The following SURF4 variants were observed in gnomAD, a reference collection of about 807,000 sequenced individuals.
SURF4 encodes surfeit locus protein 4.
A neutral mutation model predicts 30.0 loss-of-function variants in SURF4; 3 were observed. The observed-to-expected ratio is 0.10, with a 90% confidence interval of 0.05 to 0.26. The LOEUF is 0.26. Ranked by LOEUF, SURF4 falls within the 10% of genes least tolerant of loss-of-function variation. SURF4 has a pLI of 1.00. For missense variants in SURF4, 217 were observed against 350.8 expected, an observed-to-expected ratio of 0.62 and a Z score of 3.05; for synonymous variants, 143 against 139.9, an observed-to-expected ratio of 1.02 and a Z score of -0.16.
chr9:133,375,402 A>C (rs1837831592), intron 1 of SURF4: 1 of 985,556 alleles, frequency 1.0e-6, no homozygotes, highest in Admixed American at 6.1e-5. Flanking sequence ...GGAAAGAGAA[A>C]AGGAAAAGGT....
At chr9:133,367,633 G>A in intron 1 of SURF4, 188 bp from the exon 2 acceptor site, 3 of 1,435,488 alleles carry the variant, frequency 2.1e-6, no homozygotes, top group African/African-American at 2.9e-5. Context: ...GCTACCCTGT[G>A]AGTCTGGACA....
chr9:133,372,090 T>C (rs1837541756), intron 1 of SURF4, among the ~76,000 whole-genome samples: 1 of 152,228 alleles, frequency 6.6e-6, no homozygotes, highest in African/African-American at 2.4e-5. Context: ...TAGTTTGGAT[T>C]GCTGAGTTCA....
chr9:133,376,002 G>A lies in SURF4; in HGVS notation c.-33C>T. On this transcript the variant is annotated 5_prime_UTR_variant, in exon 1 of 6. Transcript: ENST00000371989. ...GCGGGAGGCTCGGCTCGGCTCGCTC[G>A]CTCGCTCGCTGGCTCTCGCCCGTCG... 6.6e-6 allele frequency: 8 copies of A among 1,221,146 alleles called. No individual in the cohort carries two copies. The highest frequency in any genetic ancestry group is 8.2e-6 in the Non-Finnish European group (8 of 979,312). The allele number at this position is 1,221,146 out of a possible 1,614,324, so 75.6% of individuals were successfully genotyped here. A position where few individuals can be genotyped will look rare whatever the true frequency, so the allele number is the denominator to read the frequency against.
chr9:133,376,687 C>G (rs1461860884), upstream of SURF4: 2 of 793,796 alleles, frequency 2.5e-6, no homozygotes, highest in Non-Finnish European at 3.9e-6. Flanking sequence ...CGGCCTGCAG[C>G]TCCTAGGTTG....
intron 1 of SURF4, chr9:133,370,993 A>AT: frequency 7.8e-7 from 1 of 1,286,996 alleles, no homozygotes; most frequent in Non-Finnish European, 1.0e-6. Flanking sequence ...TTTCTCTCAA[A>AT]GGGGTGGTTA....
rs2130069331 is a variant in SURF4 at position 133,362,014 on chromosome 9, A to G, written c.*1479T>C. 1.3e-5 allele frequency: 2 copies of G among 152,274 alleles called. No homozygotes were observed. Among genetic ancestry groups the G allele is most frequent in the Non-Finnish European group, 2.9e-5 (2 of 68,058 alleles). 9.4% of individuals were successfully genotyped at this position (152,274 alleles called of 1,614,324 possible). A position where few individuals can be genotyped will look rare whatever the true frequency, so the allele number is the denominator to read the frequency against. ...CTCGATCTTACCAATATTCGGGGGTAAGGAAGTAGGCTACCAGGGGAATAT... is the reference window on the plus strand; with the variant it reads ...CTCGATCTTACCAATATTCGGGGGTGAGGAAGTAGGCTACCAGGGGAATAT... On this transcript the variant is annotated 3_prime_UTR_variant, in exon 6 of 6. Transcript: ENST00000371989.
In SURF4 at chr9:133,363,246, G is replaced by T. The variant is rs914151868; in HGVS notation, c.*247C>A. On this transcript the variant is annotated 3_prime_UTR_variant, in exon 6 of 6. Transcript: ENST00000371989. The surrounding 1 kb of genome is among the most constrained non-coding windows in gnomAD (Gnocchi z 4.3). Reference sequence around the variant, plus strand: ...GGGCTGTTCACTCCAAAGCCTCGGCGTGGGGGAGGCTTCCAGCTGCCAGGC... The same window carrying T: ...GGGCTGTTCACTCCAAAGCCTCGGCTTGGGGGAGGCTTCCAGCTGCCAGGC... The T allele has an allele frequency of 2.9e-6, 2 of 690,966 alleles. No individual in the cohort carries two copies. The highest frequency in any genetic ancestry group is 2.4e-5 in the Admixed American group (1 of 42,310). 42.8% of individuals were successfully genotyped at this position (690,966 alleles called of 1,614,324 possible).
chr9:133,364,244 GAA>G (rs1837021017), intron 5 of SURF4, among the ~76,000 whole-genome samples: 1 of 152,174 alleles, frequency 6.6e-6, no homozygotes, highest in Non-Finnish European at 1.5e-5. Flanking sequence ...AGTGAGGAAA[GAA>G]AGAAGAGTAA....
Position 133,372,691 on chromosome 9 carries a change from A to T in SURF4, c.48+3231T>A, listed in dbSNP as rs2130199178. On this transcript the variant is annotated intron_variant, in intron 1 of 5. Coordinates refer to ENST00000371989, the MANE Select transcript of SURF4 (RefSeq NM_033161.4). Reference sequence around the variant, plus strand: ...AAAAATGGATGTGTCACTTTATCTGATCAGTGACTTCCATGGTAATCCTCT... The same window carrying T: ...AAAAATGGATGTGTCACTTTATCTGTTCAGTGACTTCCATGGTAATCCTCT... The T allele has an allele frequency of 4.4e-4, 410 of 937,020 alleles. 1 individual carries two copies. Among genetic ancestry groups the T allele is most frequent in the Non-Finnish European group, 4.9e-4 (387 of 785,934 alleles). 58.0% of individuals were successfully genotyped at this position (937,020 alleles called of 1,614,324 possible). A position where few individuals can be genotyped will look rare whatever the true frequency, so the allele number is the denominator to read the frequency against.
Position 133,364,855 on chromosome 9 carries a change from G to A in SURF4, c.528C>T (p.Asp176=), listed in dbSNP as rs140020058. The part of the protein sequence containing the change: ...VLMFMTLLHF[D]ASFFSIVQNI... Reference sequence around the variant, plus strand: ...GAATACTTACAGAAAAGAAGCTGGCGTCAAAGTGAAGGAGGGTCATGAACA... The same window carrying A: ...GAATACTTACAGAAAAGAAGCTGGCATCAAAGTGAAGGAGGGTCATGAACA... The change falls in exon 5 of 6, where the codon GAC becomes GAT. Residue 176 remains aspartate, a synonymous_variant. Coordinates refer to ENST00000371989, the MANE Select transcript of SURF4 (RefSeq NM_033161.4). 70 of 1,614,054 alleles carry A rather than the reference G, an allele frequency of 4.3e-5. No individual in the cohort carries two copies. The highest frequency in any genetic ancestry group is 1.9e-4 in the South Asian group (17 of 91,078).
rs2130091682 is a variant in SURF4, at chr9:133,363,747, T to C, written c.556A>G (p.Ile186Val). The C allele has an allele frequency of 6.2e-7, 1 of 1,614,154 alleles. No individual in the cohort carries two copies. The highest frequency in any genetic ancestry group is 1.1e-5 in the South Asian group (1 of 91,080). ...AAAATCATCAGAGCTGTGCCCACGATGTTCTGGACAATCTGCATAGGTTGA... is the reference window on the plus strand; with the variant it reads ...AAAATCATCAGAGCTGTGCCCACGACGTTCTGGACAATCTGCATAGGTTGA... ...DASFFSIVQNIVGTALMILVA... is the reference protein window; with the variant it reads ...DASFFSIVQNVVGTALMILVA... Residue 186 changes from isoleucine to valine, a missense_variant, in exon 6 of 6, where the codon ATC becomes GTC. Ile to Val is a conservative substitution (Grantham distance 29, BLOSUM62 3). Transcript: ENST00000371989. This position sits in a 1 kb window ranked among gnomAD's most constrained non-coding sequence, Gnocchi z 4.3.
chr9:133,375,274 G>A (rs1445303799), intron 1 of SURF4: 1 of 985,356 alleles, frequency 1.0e-6, no homozygotes, highest in African/African-American at 1.7e-5. Flanking sequence ...CAGGGAGATA[G>A]GCTTCCCCTC....
At chr9:133,369,637 G>A (rs2130171617) in intron 1 of SURF4, among the ~76,000 whole-genome samples, 1 of 152,216 alleles carries the variant, frequency 6.6e-6, no homozygotes, top group Non-Finnish European at 1.5e-5. Context: ...GGTGGGAAAG[G>A]TGACGCCACA....
upstream of SURF4, among the ~76,000 whole-genome samples, chr9:133,377,715 G>C (rs987089123): frequency 6.6e-6 from 1 of 152,142 alleles, no homozygotes. Context: ...CAAGGGACCA[G>C]TTTTGTGGAA....
intron 1 of SURF4, chr9:133,370,883 G>A: frequency 7.8e-7 from 1 of 1,289,718 alleles, no homozygotes; most frequent in Non-Finnish European, 1.0e-6. Context: ...CACCTCTGTG[G>A]CCAAGCTTCT....
At chr9:133,370,966 T>C (rs2130185294) in intron 1 of SURF4, 1 of 1,289,524 alleles carries the variant, frequency 7.8e-7, no homozygotes, top group South Asian at 1.2e-5. Flanking sequence ...CTGAGGGGCT[T>C]AACAGGAAGA....
rs2130144025 is a variant in SURF4 at position 133,367,501 on chromosome 9, G to A, written c.49-56C>T. ...TGGCTGCGGCGGGGAGCACCAGGCC[G>A]CTGCCAGGCACGTCCTTGGGCGGGG... On this transcript the variant is annotated intron_variant, in intron 1 of 5. Transcript: ENST00000371989. 108 of 1,604,284 alleles carry A rather than the reference G, an allele frequency of 6.7e-5. 2 individuals are homozygous for A. Among genetic ancestry groups the A allele is most frequent in the Middle Eastern group, 2.0e-4 (1 of 4,882 alleles).
In SURF4 at chr9:133,363,137, G is replaced by A. The variant is rs1015443855; in HGVS notation, c.*356C>T. ...CTGCTTTGAATGATAATACCAATGC[G>A]TCTGCTCACAGTACAGCTTGAAGGC... On this transcript the variant is annotated 3_prime_UTR_variant, in exon 6 of 6. Coordinates refer to ENST00000371989, the MANE Select transcript of SURF4 (RefSeq NM_033161.4). The surrounding 1 kb of genome is among the most constrained non-coding windows in gnomAD (Gnocchi z 4.3). 9 of 513,668 alleles carry A rather than the reference G, an allele frequency of 1.8e-5. No individual in the cohort carries two copies. Among genetic ancestry groups the A allele is most frequent in the South Asian group, 4.6e-5 (2 of 43,764 alleles). 31.8% of individuals were successfully genotyped at this position (513,668 alleles called of 1,614,324 possible).
upstream of SURF4, among the ~76,000 whole-genome samples, chr9:133,377,086 A>G (rs1023020737): frequency 2.0e-5 from 3 of 152,220 alleles, no homozygotes; most frequent in Non-Finnish European, 2.9e-5. Context: ...ATTCGCTTGG[A>G]AACAGTTTGC....
Sources: allele counts gnomAD v4.1 joint callset (sites outside exome capture counted in the v4.1 genomes callset), GRCh38; gene constraint gnomAD v4.1.1; non-coding constraint Gnocchi (gnomAD v3.1); transcripts MANE v1.5; gene names NCBI Gene and HGNC (gene_info 2026-07-23, HGNC 2026-07-21).